LRRC4C: variants seen among roughly 807,000 people sequenced by gnomAD.
LRRC4C encodes leucine-rich repeat-containing protein 4C.
A neutral mutation model predicts 33.6 loss-of-function variants in LRRC4C; 5 were observed. That is an observed-to-expected ratio of 0.15 (90% CI 0.08 to 0.31). The LOEUF (loss-of-function observed/expected upper bound fraction) is 0.31. LRRC4C is among the 10% of genes least tolerant of loss of function. The pLI, the probability that LRRC4C is intolerant of heterozygous loss-of-function variation, is 1.00. For synonymous variants in LRRC4C, 329 were observed against 302.0 expected (o/e 1.09, Z -0.93); for missense variants, 560 against 796.7 (o/e 0.70, Z 3.58).
chr11:40,420,412 C>T (rs1950481041), intron 3 of LRRC4C, among the ~76,000 whole-genome samples: 1 of 152,172 alleles, frequency 6.6e-6, no homozygotes, highest in East Asian at 1.9e-4. Context: ...CAGGACTTTT[C>T]CACCCAACTT....
chr11:40,834,523 C>T (rs1274628847), intron 2 of LRRC4C, among the ~76,000 whole-genome samples: 1 of 149,798 alleles, frequency 6.7e-6, no homozygotes, highest in Non-Finnish European at 1.5e-5. Context: ...CCAATATATA[C>T]TACTTCTAGT....
chr11:40,629,769 T>A (rs1422305860), intron 3 of LRRC4C, among the ~76,000 whole-genome samples: 1 of 152,198 alleles, frequency 6.6e-6, no homozygotes, highest in Admixed American at 6.5e-5. Context: ...CACAGCATTT[T>A]AAATGATAGA....
At chr11:41,457,823 G>A (rs1214796092) in intron 1 of LRRC4C, among the ~76,000 whole-genome samples, 1 of 152,098 alleles carries the variant, frequency 6.6e-6, no homozygotes, top group Non-Finnish European at 1.5e-5. Context: ...GGGTGGAGGA[G>A]GGGCAGCTTC....
rs144890375 is a variant in LRRC4C, at chr11:40,342,169, T to A, written c.-269-22448A>T. Among the ~76,000 whole-genome samples the A allele has an allele frequency of 5.0e-3, 764 of 152,270 alleles. 6 individuals are homozygous for A. The highest frequency in any genetic ancestry group is 9.9e-3 in the Admixed American group (151 of 15,298). On this transcript the variant is annotated intron_variant, in intron 3 of 6. Coordinates refer to ENST00000528697, the MANE Select transcript of LRRC4C (RefSeq NM_001258419.2). ...AGAGCAATTTGATAACTCAGTTTAATCATTTAGAAAAGTAAAGGTGGACAG... is the reference window on the plus strand; with the variant it reads ...AGAGCAATTTGATAACTCAGTTTAAACATTTAGAAAAGTAAAGGTGGACAG...
intron 2 of LRRC4C, among the ~76,000 whole-genome samples, chr11:40,933,155 T>A (rs964349835): frequency 1.8e-4 from 28 of 152,276 alleles, no homozygotes; most frequent in Middle Eastern, 3.4e-3. Context: ...AATTATGAGT[T>A]CAGTAGGAGT....
chr11:41,085,832 C>T (rs973685894), intron 1 of LRRC4C, among the ~76,000 whole-genome samples: 17 of 145,078 alleles, frequency 1.2e-4, no homozygotes, highest in African/African-American at 2.6e-4. Flanking sequence ...TGGATTTTTT[C>T]GATAACTGGC....
At chr11:41,020,182 T>C (rs939904880) in intron 1 of LRRC4C, among the ~76,000 whole-genome samples, 1 of 152,154 alleles carries the variant, frequency 6.6e-6, no homozygotes, top group Non-Finnish European at 1.5e-5. Flanking sequence ...AATGGAATTA[T>C]ATAGTACAAA....
chr11:40,887,672 TA>T (rs1955526850), intron 2 of LRRC4C, among the ~76,000 whole-genome samples: 1 of 151,980 alleles, frequency 6.6e-6, no homozygotes, highest in South Asian at 2.1e-4. Context: ...GAAGAGAAAT[TA>T]AAAGGTAGGT....
chr11:41,131,452 A>G (rs1943007958), intron 1 of LRRC4C, among the ~76,000 whole-genome samples: 1 of 152,118 alleles, frequency 6.6e-6, no homozygotes, highest in South Asian at 2.1e-4. Context: ...ACATTTTTAT[A>G]CATGGATTTT....
intron 1 of LRRC4C, among the ~76,000 whole-genome samples, chr11:41,091,800 G>T (rs1940437552): frequency 6.6e-6 from 1 of 152,030 alleles, no homozygotes; most frequent in Non-Finnish European, 1.5e-5. Context: ...CAGGTGGCTG[G>T]CGTGTAATTT....
chr11:40,996,761 G>A (rs901644003), intron 1 of LRRC4C, among the ~76,000 whole-genome samples: 2 of 152,080 alleles, frequency 1.3e-5, no homozygotes, highest in Non-Finnish European at 2.9e-5. Context: ...AGTGTCACAT[G>A]GTCAGTGACA....
At chr11:40,716,910 C>T (rs1010325826) in intron 2 of LRRC4C, among the ~76,000 whole-genome samples, 1 of 152,080 alleles carries the variant, frequency 6.6e-6, no homozygotes, top group African/African-American at 2.4e-5. Flanking sequence ...GCTGTGTCTG[C>T]CAACAGTGAA....
rs1164110719 is a variant in LRRC4C at position 40,160,177 on chromosome 11, GA to G, written c.-95-19325del. Among the ~76,000 whole-genome samples, 28 of 149,798 alleles carry G rather than the reference GA, an allele frequency of 1.9e-4. 1 individual carries two copies. The South Asian group carries it at 5.8e-3, about 31-fold the overall frequency. ...AAATGGACCAGAGAAGAGTTGCGAA[GA>G]TTTTTTTTTTTTTGGACAGAGTTTT... On this transcript the variant is annotated intron_variant, in intron 5 of 6. Transcript: ENST00000528697.
intron 1 of LRRC4C, among the ~76,000 whole-genome samples, chr11:41,085,210 C>A (rs1279299955): frequency 6.6e-6 from 1 of 152,094 alleles, no homozygotes; most frequent in Non-Finnish European, 1.5e-5. Flanking sequence ...AATGACAAAT[C>A]CACTCTTAAT....
chr11:41,013,731 T>C (rs1262951984), intron 1 of LRRC4C, among the ~76,000 whole-genome samples: 5 of 152,300 alleles, frequency 3.3e-5, no homozygotes, highest in African/African-American at 1.2e-4. Context: ...GTTCTCACAC[T>C]GCTATAAAGA....
chr11:40,655,692 T>C (rs143454838), intron 2 of LRRC4C, among the ~76,000 whole-genome samples: 1 of 152,208 alleles, frequency 6.6e-6, no homozygotes, highest in Non-Finnish European at 1.5e-5. Context: ...GAATCATTTC[T>C]TATTATTCCC....
At chr11:41,103,615 C>A (rs918972422) in intron 1 of LRRC4C, among the ~76,000 whole-genome samples, 1 of 151,916 alleles carries the variant, frequency 6.6e-6, no homozygotes, top group Non-Finnish European at 1.5e-5. Context: ...AGTGCATAAA[C>A]AGTGGCTTTC....
At chr11:40,197,824 A>G (rs975939787) in intron 5 of LRRC4C, among the ~76,000 whole-genome samples, 1 of 152,186 alleles carries the variant, frequency 6.6e-6, no homozygotes, top group Admixed American at 6.5e-5. Flanking sequence ...GCCTTTCAGG[A>G]TCTAGCACAG....
intron 3 of LRRC4C, among the ~76,000 whole-genome samples, chr11:40,525,376 G>A (rs565235586): frequency 1.3e-5 from 2 of 152,198 alleles, no homozygotes; most frequent in South Asian, 4.1e-4. Context: ...AACCCAGGAG[G>A]CAGAGGTTGC....
Sources: allele counts gnomAD v4.1 joint callset (sites outside exome capture counted in the v4.1 genomes callset), GRCh38; gene constraint gnomAD v4.1.1; transcripts MANE v1.5; gene names NCBI Gene and HGNC (gene_info 2026-07-23, HGNC 2026-07-21).